The following YBX1 variants were observed in gnomAD, a reference collection of about 807,000 sequenced individuals.
The protein encoded by YBX1 is Y-box binding protein 1.
In YBX1, 3 loss-of-function variants were observed where a neutral mutation model predicts 41.4. That is an observed-to-expected ratio of 0.07 (90% CI 0.03 to 0.19). The LOEUF is 0.19. Among genes scored for constraint, YBX1 ranks in the 10% least tolerant of loss-of-function variants. YBX1 has a pLI of 1.00. For synonymous variants in YBX1, 133 were observed against 165.8 expected (o/e 0.80, Z 1.52); for missense variants, 274 against 462.8 (o/e 0.59, Z 3.74).
chr1:42,688,693 C>G (rs761086937), intron 2 of YBX1, among the ~76,000 whole-genome samples: 1 of 152,116 alleles, frequency 6.6e-6, no homozygotes, highest in African/African-American at 2.4e-5. Flanking sequence ...CACCATGGGA[C>G]CCATGCAAAG....
chr1:42,691,417 A>T (rs1650323970), intron 2 of YBX1, among the ~76,000 whole-genome samples: 1 of 152,202 alleles, frequency 6.6e-6, no homozygotes, highest in Admixed American at 6.5e-5. Flanking sequence ...GTACAGTGGC[A>T]TGATTATAGC....
At chr1:42,701,371 T>C (rs1480453047) in intron 7 of YBX1, among the ~76,000 whole-genome samples, 1 of 152,222 alleles carries the variant, frequency 6.6e-6, no homozygotes, top group Non-Finnish European at 1.5e-5. Flanking sequence ...AAAGTTTTGC[T>C]AGCTGTATTC....
At chr1:42,700,118 G>A (rs1422326262) in intron 6 of YBX1, among the ~76,000 whole-genome samples, 3 of 152,142 alleles carry the variant, frequency 2.0e-5, no homozygotes, top group African/African-American at 7.2e-5. Context: ...TTTTGTTGAA[G>A]ATTCATCATG....
At chr1:42,683,537 C>T in intron 2 of YBX1, 71 bp downstream of exon 2, 2 of 1,566,846 alleles carry the variant, frequency 1.3e-6, no homozygotes, top group Admixed American at 1.7e-5. Context: ...CTTCTCGGGG[C>T]TTGGGAAGCC....
intron 2 of YBX1, among the ~76,000 whole-genome samples, chr1:42,686,607 G>T (rs1051082825): frequency 6.6e-6 from 1 of 152,288 alleles, no homozygotes; most frequent in East Asian, 1.9e-4. Flanking sequence ...CTTTAGTCAC[G>T]CCTATCAGGT....
At chr1:42,690,345 A>T (rs1283501983) in intron 2 of YBX1, among the ~76,000 whole-genome samples, 1 of 151,872 alleles carries the variant, frequency 6.6e-6, no homozygotes, top group Non-Finnish European at 1.5e-5. Flanking sequence ...TTTTCTTAAC[A>T]ATAGAAAGTG....
At chr1:42,684,136 C>T (rs1650132527) in intron 2 of YBX1, among the ~76,000 whole-genome samples, 1 of 152,118 alleles carries the variant, frequency 6.6e-6, no homozygotes, top group South Asian at 2.1e-4. Context: ...TCTGTTAGAT[C>T]CCTGGCTGTA....
At chr1:42,683,263 C>A in intron 1 of YBX1, 140 bp from the exon 2 acceptor site, 1 of 1,003,622 alleles carries the variant, frequency 1.0e-6, no homozygotes, top group African/African-American at 1.6e-5. Flanking sequence ...ACTGCGTGGC[C>A]CCGCACCCGG....
In YBX1 at chr1:42,703,166, C is replaced by A. The variant is rs910854356; in HGVS notation, c.*1217C>A. 6.6e-6 allele frequency among the ~76,000 whole-genome samples: 1 copy of A among 152,054 alleles called. No individual in the cohort carries two copies. The highest frequency in any genetic ancestry group is 1.5e-5 in the Non-Finnish European group (1 of 68,010). On this transcript the variant is annotated 3_prime_UTR_variant, in exon 8 of 8. Coordinates refer to ENST00000321358, the MANE Select transcript of YBX1 (RefSeq NM_004559.5). ...GTCTTGATCTCTTGACCTTGTGATCCGCCCGCCTCAGCCTCCCAAAGTGCT... is the reference window on the plus strand; with the variant it reads ...GTCTTGATCTCTTGACCTTGTGATCAGCCCGCCTCAGCCTCCCAAAGTGCT...
At chr1:42,684,647 T>A (rs1441806467) in intron 2 of YBX1, among the ~76,000 whole-genome samples, 1 of 152,242 alleles carries the variant, frequency 6.6e-6, no homozygotes, top group African/African-American at 2.4e-5. Context: ...ATATTTTGTT[T>A]CTTCCAAAAT....
In YBX1 at chr1:42,703,307, G is replaced by GC. The variant is rs1650651296; in HGVS notation, c.*1362dup. Among the ~76,000 whole-genome samples, 1 of 151,990 alleles carries GC rather than the reference G, an allele frequency of 6.6e-6. No individual in the cohort carries two copies. The highest frequency in any genetic ancestry group is 1.5e-5 in the Non-Finnish European group (1 of 68,016). On this transcript the variant is annotated 3_prime_UTR_variant, in exon 8 of 8. Transcript: ENST00000321358. ...AGTCATGTAGTTGATAGTGACTGCT[G>GC]CCCCGAAACACTCCAGATCATCCTG...
In YBX1 at chr1:42,702,391, G is replaced by A. The variant is rs1171934663; in HGVS notation, c.*442G>A. 6.6e-6 allele frequency: 1 copy of A among 152,622 alleles called. No individual in the cohort carries two copies. The highest frequency in any genetic ancestry group is 1.5e-5 in the Non-Finnish European group (1 of 68,040). 9.5% of individuals were successfully genotyped at this position (152,622 alleles called of 1,614,324 possible). On this transcript the variant is annotated 3_prime_UTR_variant, in exon 8 of 8. Transcript: ENST00000321358. ...TGTCTAGTTTTGCTTTAGTTTGTAA[G>A]TATTTAGCTATTTATAGGACCCTTA...
In YBX1 at chr1:42,696,542, T is replaced by C; in HGVS notation, c.355-100T>C. On this transcript the variant is annotated intron_variant, in intron 4 of 7. Coordinates refer to ENST00000321358, the MANE Select transcript of YBX1 (RefSeq NM_004559.5). The surrounding 1 kb of genome is among the most constrained non-coding windows in gnomAD (Gnocchi z 5.7). ...CCCCCCTTTTTTTTCCTTAACTTTG[T>C]TGTTTTTTGCTTTGTTTGAAAATGT... 2.1e-6 allele frequency: 1 copy of C among 484,692 alleles called. No homozygotes were observed. Among genetic ancestry groups the C allele is most frequent in the Non-Finnish European group, 3.4e-6 (1 of 291,796 alleles). 30.0% of individuals were successfully genotyped at this position (484,692 alleles called of 1,614,324 possible).
At chr1:42,687,553 A>G (rs1189248712) in intron 2 of YBX1, among the ~76,000 whole-genome samples, 1 of 152,076 alleles carries the variant, frequency 6.6e-6, no homozygotes, top group Non-Finnish European at 1.5e-5. Flanking sequence ...AAGTGCTGGG[A>G]TTACAGGTGT....
chr1:42,683,006 C>T (rs1366897691), intron 1 of YBX1: 8 of 257,192 alleles, frequency 3.1e-5, no homozygotes, highest in East Asian at 1.7e-4. Context: ...GACGGGGTCC[C>T]CTCCCCGCCG....
intron 6 of YBX1, among the ~76,000 whole-genome samples, chr1:42,699,045 G>A (rs182407738): frequency 2.6e-5 from 4 of 152,026 alleles, no homozygotes; most frequent in African/African-American, 7.2e-5. Context: ...AAAATGGGGG[G>A]TCAAAAAGGG....
chr1:42,700,752 ATTCT>A, intron 6 of YBX1, 25 bp from the exon 7 acceptor site: 1 of 1,581,240 alleles, frequency 6.3e-7, no homozygotes. Context: ...AGGTTTTATC[ATTCT>A]TAAGTTTGAC....
chr1:42,682,638 A>C lies in YBX1; in HGVS notation c.73A>C (p.Thr25Pro). The C allele has an allele frequency of 1.0e-5, 14 of 1,390,762 alleles. No individual in the cohort carries two copies. Among genetic ancestry groups the C allele is most frequent in the Non-Finnish European group, 1.2e-5 (13 of 1,078,654 alleles). The allele number at this position is 1,390,762 out of a possible 1,614,324, so 86.2% of individuals were successfully genotyped here. A position where few individuals can be genotyped will look rare whatever the true frequency, so the allele number is the denominator to read the frequency against. Residue 25 changes from threonine (T) to proline (P), a missense_variant, in exon 1 of 8, where the codon ACC becomes CCC. Thr to Pro is a conservative substitution (Grantham distance 38, BLOSUM62 -1). Coordinates refer to ENST00000321358, the MANE Select transcript of YBX1 (RefSeq NM_004559.5). ...CGCCCCCGCCCTCAGCGCCGCCGAC[A>C]CCAAGCCCGGCACTACGGGCAGCGG... ...PAAPALSAAD[T>P]KPGTTGSGAG...
intron 7 of YBX1, among the ~76,000 whole-genome samples, chr1:42,701,517 C>A (rs930426372): frequency 6.6e-6 from 1 of 150,548 alleles, no homozygotes; most frequent in African/African-American, 2.4e-5. Context: ...ATCTTTTAAT[C>A]ATTTCTAATT....
Sources: allele counts gnomAD v4.1 joint callset (sites outside exome capture counted in the v4.1 genomes callset), GRCh38; gene constraint gnomAD v4.1.1; non-coding constraint Gnocchi (gnomAD v3.1); transcripts MANE v1.5; gene names NCBI Gene and HGNC (gene_info 2026-07-23, HGNC 2026-07-21).